Variants in DLGAP1 observed in about 807,000 individuals in gnomAD.
The protein encoded by DLGAP1 is disks large-associated protein 1.
DLGAP1 carries 11 observed loss-of-function variants against 90.8 expected under a neutral mutation model. That is an observed-to-expected ratio of 0.12 (90% CI 0.08 to 0.20). The LOEUF (loss-of-function observed/expected upper bound fraction) is 0.20, where lower values mean the gene tolerates loss of function less well. Among genes scored for constraint, DLGAP1 ranks in the 10% least tolerant of loss-of-function variants. The probability of loss-of-function intolerance (pLI) is 1.00; values close to 1 mark genes in which losing one functional copy is unlikely to be tolerated. For synonymous variants in DLGAP1, 558 were observed against 540.7 expected (o/e 1.03, Z -0.44); for missense variants, 1,050 against 1,333.8 (o/e 0.79, Z 3.31).
chr18:4,418,162 C>A (rs1029946876), intron 1 of DLGAP1, among the ~76,000 whole-genome samples: 11 of 152,232 alleles, frequency 7.2e-5, no homozygotes, highest in African/African-American at 1.9e-4. Context: ...CAACTCCTAA[C>A]TAGTTTTACT....
intron 9 of DLGAP1, among the ~76,000 whole-genome samples, chr18:3,547,167 G>A (rs940681828): frequency 1.3e-5 from 2 of 151,786 alleles, no homozygotes; most frequent in Non-Finnish European, 2.9e-5. Context: ...CAGGCGTGGT[G>A]GCGGGCGCCG....
At chr18:4,096,895 C>T (rs934326127) in intron 2 of DLGAP1, among the ~76,000 whole-genome samples, 1 of 152,136 alleles carries the variant, frequency 6.6e-6, no homozygotes, top group East Asian at 1.9e-4. Flanking sequence ...TGGTACCTGG[C>T]AAAGTTGTAA....
chr18:3,923,453 TA>T (rs1433782259), intron 3 of DLGAP1, among the ~76,000 whole-genome samples: 1 of 152,206 alleles, frequency 6.6e-6, no homozygotes, highest in Non-Finnish European at 1.5e-5. Flanking sequence ...TTTTTATTTG[TA>T]AAAATTCATT....
At chr18:3,580,597 A>G in intron 8 of DLGAP1, 1 of 1,587,354 alleles carries the variant, frequency 6.3e-7, no homozygotes, top group East Asian at 2.2e-5. Context: ...TGGAGACTAG[A>G]GAGAATGGAC....
At chr18:4,160,225 G>A (rs1456813718) in intron 1 of DLGAP1, among the ~76,000 whole-genome samples, 1 of 152,184 alleles carries the variant, frequency 6.6e-6, no homozygotes, top group Non-Finnish European at 1.5e-5. Context: ...TTTGATATTT[G>A]TTGTCAATCA....
chr18:4,046,351 A>C (rs1191756560), intron 2 of DLGAP1, among the ~76,000 whole-genome samples: 1 of 152,236 alleles, frequency 6.6e-6, no homozygotes, highest in Non-Finnish European at 1.5e-5. Context: ...GAGTAGGATC[A>C]TTTGGGGTGA....
chr18:4,276,420 G>A (rs1039805928), intron 1 of DLGAP1, among the ~76,000 whole-genome samples: 4 of 151,562 alleles, frequency 2.6e-5, no homozygotes, highest in African/African-American at 4.8e-5. Flanking sequence ...CGGATCACTC[G>A]AGGTCAGGAG....
chr18:3,749,125 T>C (rs571455671), intron 5 of DLGAP1, among the ~76,000 whole-genome samples: 152 of 150,040 alleles, frequency 1.0e-3, no homozygotes, highest in African/African-American at 3.6e-3. Context: ...CTCCTCCTCT[T>C]CCTCCTCCTC....
At chr18:4,151,599 C>T (rs1236295123) in intron 1 of DLGAP1, among the ~76,000 whole-genome samples, 1 of 152,196 alleles carries the variant, frequency 6.6e-6, no homozygotes, top group East Asian at 1.9e-4. Flanking sequence ...CATCAATGAT[C>T]CAATTCTGTA....
intron 1 of DLGAP1, among the ~76,000 whole-genome samples, chr18:4,453,804 C>T (rs1052130019): frequency 6.6e-6 from 1 of 152,212 alleles, no homozygotes; most frequent in Non-Finnish European, 1.5e-5. Flanking sequence ...GAGCATTCAC[C>T]TCCCACGACC....
At chr18:3,523,158 A>T (rs2051323379) in intron 10 of DLGAP1, among the ~76,000 whole-genome samples, 2 of 151,670 alleles carry the variant, frequency 1.3e-5, no homozygotes, top group Admixed American at 6.6e-5. Flanking sequence ...GGATCACTTG[A>T]GGTCAGCAGT....
intron 6 of DLGAP1, among the ~76,000 whole-genome samples, chr18:3,731,344 T>C (rs1051808788): frequency 6.6e-6 from 1 of 152,210 alleles, no homozygotes; most frequent in Non-Finnish European, 1.5e-5. Context: ...CTCTTCTACT[T>C]TGTATAAAAC....
At chr18:4,093,597 T>C (rs1293690806) in intron 2 of DLGAP1, among the ~76,000 whole-genome samples, 3 of 151,018 alleles carry the variant, frequency 2.0e-5, no homozygotes, top group African/African-American at 7.3e-5. Flanking sequence ...AAAAAAAAGG[T>C]CTTTGATATA....
At chr18:3,600,809 GATATATATAGATATATAGAT>G (rs2056904271) in intron 7 of DLGAP1, among the ~76,000 whole-genome samples, 3 of 47,548 alleles carry the variant, frequency 6.3e-5, no homozygotes, top group African/African-American at 2.8e-4. Flanking sequence ...TAGATATATA[GATATATATAGATATATAGAT>G]ATATATAGAT....
intron 6 of DLGAP1, among the ~76,000 whole-genome samples, chr18:3,734,764 G>C (rs1359677325): frequency 6.6e-6 from 1 of 151,834 alleles, no homozygotes; most frequent in Admixed American, 6.6e-5. Context: ...ATTCTTTTGG[G>C]TTATCTTTTC....
chr18:4,392,846 T>C (rs945212407), intron 1 of DLGAP1, among the ~76,000 whole-genome samples: 42 of 152,300 alleles, frequency 2.8e-4, no homozygotes, highest in African/African-American at 9.6e-4. Flanking sequence ...TGATGCCCAA[T>C]TGGTCCCAAA....
chr18:3,618,939 A>C (rs1266836829), intron 7 of DLGAP1, among the ~76,000 whole-genome samples: 1 of 31,454 alleles, frequency 3.2e-5, no homozygotes, highest in Non-Finnish European at 4.9e-5. Context: ...ACTCCGTCTC[A>C]AAAAAAAAAA....
intron 2 of DLGAP1, among the ~76,000 whole-genome samples, chr18:4,080,829 C>T (rs2075595410): frequency 6.6e-6 from 1 of 152,000 alleles, no homozygotes. Context: ...CTTCTGAGCC[C>T]CATGAGGGGA....
At chr18:4,325,511 T>C (rs1281613304) in intron 1 of DLGAP1, among the ~76,000 whole-genome samples, 1 of 151,952 alleles carries the variant, frequency 6.6e-6, no homozygotes, top group African/African-American at 2.4e-5. Context: ...AAAAAACTAT[T>C]TAAAAATTCA....
Sources: gnomAD v4.1 joint callset for allele counts (sites outside exome capture counted in the v4.1 genomes callset) on GRCh38, gnomAD v4.1.1 for gene constraint, MANE v1.5 for transcripts, NCBI Gene and HGNC (gene_info 2026-07-23, HGNC 2026-07-21) for gene names.